CFAP61: variants seen among roughly 807,000 people sequenced by gnomAD.
The protein encoded by CFAP61 is cilia and flagella associated protein 61.
CFAP61 carries 107 observed loss-of-function variants against 135.6 expected under a neutral mutation model. The ratio of observed to expected loss-of-function variants is 0.79; its 90% CI spans 0.67 to 0.93. CFAP61 has a LOEUF of 0.93. Among genes scored for constraint, CFAP61 ranks in the 40% least tolerant of loss-of-function variants. CFAP61 has a pLI of 0.00. For synonymous variants in CFAP61, 575 were observed against 578.5 expected (o/e 0.99, Z 0.09); for missense variants, 1,507 against 1,556.2 (o/e 0.97, Z 0.53).
chr20:20,071,343 A>G (rs1199890186), intron 3 of CFAP61, among the ~76,000 whole-genome samples: 1 of 151,828 alleles, frequency 6.6e-6, no homozygotes, highest in Non-Finnish European at 1.5e-5. Flanking sequence ...ATGTTAGGAG[A>G]GCACCTGCCG....
At chr20:20,073,466 T>C (rs1162193218) in intron 3 of CFAP61, among the ~76,000 whole-genome samples, 1 of 152,138 alleles carries the variant, frequency 6.6e-6, no homozygotes, top group Non-Finnish European at 1.5e-5. Flanking sequence ...TCCAGAAAAT[T>C]ATTCAAAAAA....
intron 13 of CFAP61, among the ~76,000 whole-genome samples, chr20:20,181,176 CATATATATGCATATATATGT>C (rs1225850958): frequency 6.8e-6 from 1 of 146,944 alleles, no homozygotes; most frequent in African/African-American, 2.5e-5. Context: ...TATATATACA[CATATATATGCATATATATGT>C]ATATATATGT....
intron 8 of CFAP61, among the ~76,000 whole-genome samples, chr20:20,100,869 C>CT (rs1239856429): frequency 6.6e-6 from 1 of 152,192 alleles, no homozygotes; most frequent in Non-Finnish European, 1.5e-5. Context: ...AGAAGTCCTA[C>CT]TTCTGTTTAC....
intron 25 of CFAP61, among the ~76,000 whole-genome samples, chr20:20,340,916 C>A (rs1030084422): frequency 6.6e-6 from 1 of 152,298 alleles, no homozygotes; most frequent in South Asian, 2.1e-4. Context: ...CACAGACTCT[C>A]GGCGTCGTAT....
intron 8 of CFAP61, among the ~76,000 whole-genome samples, chr20:20,130,484 T>C (rs895898302): frequency 6.6e-6 from 1 of 151,828 alleles, no homozygotes; most frequent in African/African-American, 2.4e-5. Flanking sequence ...GACAGTTCAA[T>C]TGAAGGACAG....
At chr20:20,186,805 G>A (rs1212021567) in intron 13 of CFAP61, among the ~76,000 whole-genome samples, 1 of 152,160 alleles carries the variant, frequency 6.6e-6, no homozygotes, top group African/African-American at 2.4e-5. Context: ...AAATAGATTA[G>A]GATATTTTAT....
chr20:20,118,490 G>A (rs1396231779), intron 8 of CFAP61, among the ~76,000 whole-genome samples: 1 of 151,494 alleles, frequency 6.6e-6, no homozygotes, highest in Non-Finnish European at 1.5e-5. Flanking sequence ...ACAGGTGCCT[G>A]CCACCACTCC....
intron 25 of CFAP61, among the ~76,000 whole-genome samples, chr20:20,311,538 C>A (rs1194503666): frequency 6.6e-6 from 1 of 152,114 alleles, no homozygotes; most frequent in East Asian, 1.9e-4. Flanking sequence ...GGAAGCAGAG[C>A]CCATGCAGAG....
At chr20:20,132,699 A>C (rs1466475614) in intron 8 of CFAP61, among the ~76,000 whole-genome samples, 1 of 152,004 alleles carries the variant, frequency 6.6e-6, no homozygotes, top group African/African-American at 2.4e-5. Context: ...TTAAGGCATA[A>C]TTTTTAAATT....
intron 6 of CFAP61, among the ~76,000 whole-genome samples, chr20:20,078,693 T>C (rs2046225647): frequency 1.3e-5 from 2 of 151,928 alleles, no homozygotes; most frequent in Admixed American, 1.3e-4. Context: ...AAATGAGCTA[T>C]GAATAATGAA....
At chr20:20,321,405 A>G (rs141810672) in intron 25 of CFAP61, among the ~76,000 whole-genome samples, 5 of 152,356 alleles carry the variant, frequency 3.3e-5, no homozygotes, top group Non-Finnish European at 7.3e-5. Flanking sequence ...TATGTCAACA[A>G]TCATTCAAAA....
chr20:20,329,855 C>G (rs1054019409), intron 25 of CFAP61, among the ~76,000 whole-genome samples: 1 of 152,258 alleles, frequency 6.6e-6, no homozygotes, highest in Non-Finnish European at 1.5e-5. Flanking sequence ...TGCCTCTGTA[C>G]GCAGCGCCTG....
chr20:20,261,131 G>C (rs1569208093), intron 20 of CFAP61, among the ~76,000 whole-genome samples: 1 of 152,166 alleles, frequency 6.6e-6, no homozygotes, highest in African/African-American at 2.4e-5. Context: ...CCTCTTAATG[G>C]AGAGAGAATA....
At chr20:20,156,153 A>G (rs1441558264) in intron 9 of CFAP61, among the ~76,000 whole-genome samples, 1 of 152,152 alleles carries the variant, frequency 6.6e-6, no homozygotes, top group African/African-American at 2.4e-5. Flanking sequence ...TTCTCCCAAA[A>G]ATATTGAAAT....
chr20:20,169,247 GT>G, intron 12 of CFAP61, 73 bp from the exon 13 acceptor site: 1 of 1,424,372 alleles, frequency 7.0e-7, no homozygotes, highest in Non-Finnish European at 9.6e-7. Context: ...TTTTCTTGGT[GT>G]TTTTTAGAGG....
intron 9 of CFAP61, among the ~76,000 whole-genome samples, chr20:20,143,282 T>C (rs1408357896): frequency 6.6e-6 from 1 of 152,180 alleles, no homozygotes; most frequent in Non-Finnish European, 1.5e-5. Flanking sequence ...CTGAAGAGAC[T>C]GACACACTAT....
At position 20,153,137 on chromosome 20, in the gene CFAP61, G is replaced by C. The variant is rs370328564; in HGVS notation, c.952-6233G>C. On this transcript the variant is annotated intron_variant, in intron 9 of 26. Coordinates refer to ENST00000245957, the MANE Select transcript of CFAP61 (RefSeq NM_015585.4). ...CTTGAATGATCTTTGGGTCAACAGT[G>C]AAATCAAGATGGAAATAAAAAATTA... 2.0e-4 allele frequency among the ~76,000 whole-genome samples: 31 copies of C among 152,238 alleles called. No homozygotes were observed. The East Asian group carries it at 4.2e-3, about 21-fold the overall frequency.
rs555828347 is a variant in CFAP61 at position 20,310,910 on chromosome 20, C to T, written c.3422+12524C>T. Among the ~76,000 whole-genome samples the T allele has an allele frequency of 6.2e-4, 94 of 152,322 alleles. 1 individual carries two copies. The highest frequency in any genetic ancestry group is 1.1e-3 in the African/African-American group (45 of 41,576). On this transcript the variant is annotated intron_variant, in intron 25 of 26. Coordinates refer to ENST00000245957, the MANE Select transcript of CFAP61 (RefSeq NM_015585.4). ...TTCCATGGAGTGAGGGAGAGTCCCT[C>T]CTCAGGGTGTTTTATAGAGTGGAGG...
chr20:20,096,481 AG>A (rs1290521991), intron 7 of CFAP61, among the ~76,000 whole-genome samples: 6 of 152,282 alleles, frequency 3.9e-5, no homozygotes, highest in African/African-American at 1.4e-4. Flanking sequence ...ATGAGCCATT[AG>A]TGTAATAGCT....
Sources: gnomAD v4.1 joint callset for allele counts (sites outside exome capture counted in the v4.1 genomes callset) on GRCh38, gnomAD v4.1.1 for gene constraint, MANE v1.5 for transcripts, NCBI Gene and HGNC (gene_info 2026-07-23, HGNC 2026-07-21) for gene names.